The following SLC12A7 variants were observed in gnomAD, a reference collection of about 807,000 sequenced individuals.
SLC12A7 encodes K-Cl cotransporter 4.
A neutral mutation model predicts 120.6 loss-of-function variants in SLC12A7; 100 were observed. That is an observed-to-expected ratio of 0.83 (90% CI 0.71 to 0.98). SLC12A7 has a LOEUF of 0.98. Among genes scored for constraint, SLC12A7 ranks in the 50% least tolerant of loss-of-function variants. The pLI is 0.00. For missense variants in SLC12A7, 1,373 were observed against 1,548.1 expected (o/e 0.89, Z 1.90); for synonymous variants, 760 against 678.0 (o/e 1.12, Z -1.88).
chr5:1,081,452 G>A, intron 9 of SLC12A7, 125 bp downstream of exon 9: 1 of 992,784 alleles, frequency 1.0e-6, no homozygotes, highest in South Asian at 1.8e-5. Flanking sequence ...GTGTCTAGGA[G>A]TTGAGGCTGC....
intron 17 of SLC12A7, among the ~76,000 whole-genome samples, chr5:1,068,025 C>T (rs1396047266): frequency 6.6e-6 from 1 of 152,220 alleles, no homozygotes; most frequent in African/African-American, 2.4e-5. Context: ...GGCCTTAGGA[C>T]CCCTTTTATG....
intron 23 of SLC12A7, among the ~76,000 whole-genome samples, chr5:1,052,906 G>A (rs113222457): frequency 1.1e-4 from 16 of 152,342 alleles, no homozygotes; most frequent in African/African-American, 2.6e-4. Context: ...GATGCACTGC[G>A]GAGTTCTCCT....
chr5:1,055,903 TAAAAA>T (rs1735559243), intron 22 of SLC12A7, among the ~76,000 whole-genome samples: 2 of 152,050 alleles, frequency 1.3e-5, no homozygotes, highest in Admixed American at 6.5e-5. Context: ...GGGTTAAAGA[TAAAAA>T]GGGAAGGGAA....
Position 1,081,665 on chromosome 5 carries a change from C to G in SLC12A7, c.1209G>C (p.Glu403Asp), listed in dbSNP as rs1028585192. 6.2e-7 allele frequency: 1 copy of G among 1,613,124 alleles called. No individual in the cohort carries two copies. The highest frequency in any genetic ancestry group is 8.5e-7 in the Non-Finnish European group (1 of 1,179,962). ...KGVPSVPVAE[E>D]SRASALPYVL... is the part of the protein sequence containing the mutation. ...CGTAGGGCAGTGCGCTGGCACGGCT[C>G]TCCTCTGCCACGGGCACCGAGGGCA... The change falls in exon 9 of 24, where the codon GAG becomes GAC. Residue 403 changes from glutamate to aspartate, a missense_variant. Coordinates refer to ENST00000264930, the MANE Select transcript of SLC12A7 (RefSeq NM_006598.3).
intron 1 of SLC12A7, among the ~76,000 whole-genome samples, chr5:1,108,432 C>T (rs1337756380): frequency 6.6e-6 from 1 of 152,220 alleles, no homozygotes; most frequent in African/African-American, 2.4e-5. Flanking sequence ...TACCCATGAC[C>T]TTCCGTTCCC....
In SLC12A7 at chr5:1,051,480, T is replaced by C. The variant is rs1258945687; in HGVS notation, c.*880A>G. ...GCGCGCGTGTGCCCCTGGGTTTCAG[T>C]GCATTTGCCTGCGTGAGGCACTGAT... On this transcript the variant is annotated 3_prime_UTR_variant, in exon 24 of 24. Coordinates refer to ENST00000264930, the MANE Select transcript of SLC12A7 (RefSeq NM_006598.3). The C allele has an allele frequency of 1.3e-5, 2 of 152,566 alleles. No homozygotes were observed. The highest frequency in any genetic ancestry group is 4.8e-5 in the African/African-American group (2 of 41,490). 9.5% of individuals were successfully genotyped at this position (152,566 alleles called of 1,614,324 possible).
chr5:1,077,058 G>GCC lies in SLC12A7; in HGVS notation c.1630-248_1630-247dup, dbSNP rs58129045. On this transcript the variant is annotated intron_variant, in intron 12 of 23. Transcript: ENST00000264930. Reference sequence around the variant, plus strand: ...CCTGCAACCTGTGTGGCCCCAGCCTGCCCCCCCGCCTCAGTTTCCCCGACC... The same window carrying GCC: ...CCTGCAACCTGTGTGGCCCCAGCCTGCCCCCCCCCGCCTCAGTTTCCCCGACC... Among the ~76,000 whole-genome samples the GCC allele has an allele frequency of 0.78, 114,349 of 146,944 alleles. 48,877 individuals are homozygous for GCC. The highest frequency in any genetic ancestry group is 0.99 in the East Asian group (4,576 of 4,640).
intron 22 of SLC12A7, among the ~76,000 whole-genome samples, chr5:1,056,816 A>G (rs541888771): frequency 8.1e-4 from 124 of 152,306 alleles, no homozygotes; most frequent in Middle Eastern, 3.4e-3. Flanking sequence ...CTGCGTCTGC[A>G]GAACCAAACC....
chr5:1,084,220 C>T (rs1024921814), intron 7 of SLC12A7, among the ~76,000 whole-genome samples: 8 of 152,200 alleles, frequency 5.3e-5, no homozygotes, highest in Admixed American at 6.5e-5. Context: ...AGCAGGAACG[C>T]TGTACTGTAC....
At chr5:1,114,308 G>T (rs773694929), upstream of SLC12A7, among the ~76,000 whole-genome samples, 3 of 152,126 alleles carry the variant, frequency 2.0e-5, no homozygotes, top group Non-Finnish European at 2.9e-5. Context: ...GACCTCGGGT[G>T]GGGGGTGAGG....
At chr5:1,066,080 G>A (rs867698211) in intron 17 of SLC12A7, among the ~76,000 whole-genome samples, 231 of 152,298 alleles carry the variant, frequency 1.5e-3, no homozygotes, top group African/African-American at 5.0e-3. Flanking sequence ...GACCTGCCAC[G>A]CACTAAAGCC....
Position 1,054,313 on chromosome 5 carries a change from G to A in SLC12A7, c.3027-831C>T, listed in dbSNP as rs539757955. On this transcript the variant is annotated intron_variant, in intron 22 of 23. Transcript: ENST00000264930. The stretch of plus-strand genomic sequence containing the variant: ...GTCCATGTCTCAAAGCGTCCCTGGC[G>A]GCCTGGGCCCGGCCACAGCCCCACA... 2.7e-3 allele frequency among the ~76,000 whole-genome samples: 411 copies of A among 152,330 alleles called. 2 individuals are homozygous for A. The highest frequency in any genetic ancestry group is 8.5e-3 in the African/African-American group (352 of 41,566).
intron 8 of SLC12A7, among the ~76,000 whole-genome samples, chr5:1,083,147 A>G (rs55663713): frequency 5.4e-4 from 25 of 46,010 alleles, no homozygotes; most frequent in Admixed American, 7.6e-4. Context: ...TGGGAAGTCC[A>G]GGCTTCCCGT....
the SLC12A7 span, among the ~76,000 whole-genome samples, chr5:1,118,470 T>C: frequency 2.0e-5 from 3 of 152,264 alleles, no homozygotes; most frequent in Non-Finnish European, 2.9e-5. Context: ...AGAGTCTTCC[T>C]GGCAGCAGCG....
chr5:1,154,354 A>AACACAC, the SLC12A7 span, among the ~76,000 whole-genome samples: 6,311 of 141,696 alleles, frequency 0.045, 199 homozygotes, highest in African/African-American at 0.08. Context: ...TGGTGTCCGC[A>AACACAC]ACACACACAC....
In SLC12A7 at chr5:1,085,331, A is replaced by T. The variant is rs533151664; in HGVS notation, c.818T>A (p.Val273Asp). 2 of 1,612,572 alleles carry T rather than the reference A, an allele frequency of 1.2e-6. No individual in the cohort carries two copies. The highest frequency in any genetic ancestry group is 1.7e-6 in the Non-Finnish European group (2 of 1,179,836). ...ALVVFVGVKY[V>D]NKLALVFLAC... The stretch of plus-strand genomic sequence containing the variant: ...CAGGAAGACCAGCGCCAGCTTGTTG[A>T]CATACTTGACGCCCACGAAGACCAC... The change falls in exon 7 of 24, where the codon GTC (valine) becomes GAC (aspartate). Residue 273 changes from valine to aspartate, a missense_variant. Coordinates refer to ENST00000264930, the MANE Select transcript of SLC12A7 (RefSeq NM_006598.3).
At position 1,112,002 on chromosome 5, in the gene SLC12A7, A is replaced by G; in HGVS notation, c.-11T>C. The G allele has an allele frequency of 1.6e-6, 2 of 1,268,414 alleles. No homozygotes were observed. Among genetic ancestry groups the G allele is most frequent in the Non-Finnish European group, 9.9e-7 (1 of 1,007,950 alleles). The allele number at this position is 1,268,414 out of a possible 1,614,324, so 78.6% of individuals were successfully genotyped here. ...GAAGTTGGTGGGCATGGCCGCCTGC[A>G]GCCGACAGTCCCCGTCCCGGCCCGG... On this transcript the variant is annotated 5_prime_UTR_variant, in exon 1 of 24. Coordinates refer to ENST00000264930, the MANE Select transcript of SLC12A7 (RefSeq NM_006598.3).
Position 1,076,961 on chromosome 5 carries a change from C to G in SLC12A7, c.1630-149G>C, listed in dbSNP as rs951994765. On this transcript the variant is annotated intron_variant, in intron 12 of 23. Transcript: ENST00000264930. The stretch of plus-strand genomic sequence containing the variant: ...AGTAGGTCCCCGGGACATCACGCGG[C>G]TGGCCTGGGAAGAAGCCCTGACAAA... The G allele has an allele frequency of 1.6e-5, 10 of 643,658 alleles. No individual in the cohort carries two copies. The African/African-American group carries it at 1.8e-4, about 12-fold the overall frequency. 39.9% of individuals were successfully genotyped at this position (643,658 alleles called of 1,614,324 possible).
At chr5:1,101,039 C>T (rs1388110038) in intron 1 of SLC12A7, among the ~76,000 whole-genome samples, 1 of 152,190 alleles carries the variant, frequency 6.6e-6, no homozygotes, top group African/African-American at 2.4e-5. Flanking sequence ...TGCCCTCCTG[C>T]TCCGTCCATC....
Sources: gnomAD v4.1 joint callset for allele counts (sites outside exome capture counted in the v4.1 genomes callset) on GRCh38, gnomAD v4.1.1 for gene constraint, MANE v1.5 for transcripts, NCBI Gene and HGNC (gene_info 2026-07-23, HGNC 2026-07-21) for gene names.